Variants in SCARF1 observed in about 807,000 individuals in gnomAD.
SCARF1 encodes the protein scavenger receptor class F member 1, also known as acetyl LDL receptor.
SCARF1 carries 49 observed loss-of-function variants against 76.3 expected under a neutral mutation model. That is an observed-to-expected ratio of 0.64 (90% CI 0.51 to 0.81). SCARF1 has a LOEUF of 0.81. Among genes scored for constraint, SCARF1 ranks in the 40% least tolerant of loss-of-function variants. SCARF1 has a pLI of 0.00. For missense variants in SCARF1, 1,098 were observed against 1,143.9 expected, an observed-to-expected ratio of 0.96 and a Z score of 0.58; for synonymous variants, 495 against 474.6, an observed-to-expected ratio of 1.04 and a Z score of -0.56.
intron 7 of SCARF1, among the ~76,000 whole-genome samples, chr17:1,639,244 G>A (rs1482633198): frequency 1.3e-5 from 2 of 152,204 alleles, no homozygotes; most frequent in East Asian, 1.9e-4. Context: ...AGTGGCTCAC[G>A]TCTGTAATCC....
At position 1,640,405 on chromosome 17, in the gene SCARF1, T is replaced by C. The variant is rs1201083700; in HGVS notation, c.1010+43A>G. On this transcript the variant is annotated intron_variant, in intron 5 of 10. Coordinates refer to ENST00000263071, the MANE Select transcript of SCARF1 (RefSeq NM_003693.4). The surrounding 1 kb of genome is among the most constrained non-coding windows in gnomAD (Gnocchi z 4.7). ...GAGAGAGCCGCTGAGCTGAGGGTCCTGGGGGAAGGTGTACCCCACCCTGAA... is the reference window on the plus strand; with the variant it reads ...GAGAGAGCCGCTGAGCTGAGGGTCCCGGGGGAAGGTGTACCCCACCCTGAA... The C allele has an allele frequency of 6.6e-7, 1 of 1,506,336 alleles. No individual in the cohort carries two copies. The allele number at this position is 1,506,336 out of a possible 1,614,324, so 93.3% of individuals were successfully genotyped here. A position where few individuals can be genotyped will look rare whatever the true frequency, so the allele number is the denominator to read the frequency against.
intron 4 of SCARF1, among the ~76,000 whole-genome samples, chr17:1,642,232 G>A (rs1271553624): frequency 6.6e-6 from 1 of 151,244 alleles, no homozygotes; most frequent in Non-Finnish European, 1.5e-5. Context: ...TGTGCACATT[G>A]TGCAGGTTAG....
chr17:1,639,734 G>A lies in SCARF1; in HGVS notation c.1148C>T (p.Ala383Val). The A allele has an allele frequency of 6.2e-7, 1 of 1,602,138 alleles. No individual in the cohort carries two copies. The highest frequency in any genetic ancestry group is 2.2e-5 in the East Asian group (1 of 44,470). Residue 383 changes from alanine to valine, a missense_variant, in exon 7 of 11, where the codon GCC (alanine) becomes GTC (valine). Ala to Val is a moderately conservative substitution (Grantham distance 64, BLOSUM62 0). Transcript: ENST00000263071. ...SAGYWGPSCN[A>V]SCPAGFHGNN... is the part of the protein sequence containing the mutation. ...TCCATGGAAACCGGCTGGGCAGGAG[G>A]CGTTGCAGCTATGGAGTGACATGGA...
At position 1,640,156 on chromosome 17, in the gene SCARF1, A is replaced by G; in HGVS notation, c.1011-116T>C. The G allele has an allele frequency of 7.9e-7, 1 of 1,260,706 alleles. No individual in the cohort carries two copies. Among genetic ancestry groups the G allele is most frequent in the Non-Finnish European group, 1.1e-6 (1 of 915,156 alleles). The allele number at this position is 1,260,706 out of a possible 1,614,324, so 78.1% of individuals were successfully genotyped here. Reference sequence around the variant, plus strand: ...TCAAGGACCCAACTGGCCACTCCTCAGCAGTGAAGCTCAGGTGCAAATAGG... The same window carrying G: ...TCAAGGACCCAACTGGCCACTCCTCGGCAGTGAAGCTCAGGTGCAAATAGG... On this transcript the variant is annotated intron_variant, in intron 5 of 10. Transcript: ENST00000263071. This position sits in a 1 kb window ranked among gnomAD's most constrained non-coding sequence, Gnocchi z 4.7.
Position 1,644,823 on chromosome 17 carries a change from T to A in SCARF1, c.265+11A>T. The A allele has an allele frequency of 6.2e-7, 1 of 1,609,600 alleles. No individual in the cohort carries two copies. Reference sequence around the variant, plus strand: ...TCTGCCCAGCAACTTCATCTGGCCCTTGAGACTCACGGGAGCTGCAGTGGG... The same window carrying A: ...TCTGCCCAGCAACTTCATCTGGCCCATGAGACTCACGGGAGCTGCAGTGGG... On this transcript the variant is annotated intron_variant, in intron 3 of 10. Transcript: ENST00000263071. The surrounding 1 kb of genome is among the most constrained non-coding windows in gnomAD (Gnocchi z 4.8).
At chr17:1,639,021 T>TG (rs1266285025) in intron 7 of SCARF1, 95 bp from the exon 8 acceptor site, 3 of 1,316,240 alleles carry the variant, frequency 2.3e-6, no homozygotes. Context: ...AGCTTCTTCC[T>TG]GGGGGTCACT....
Position 1,636,769 on chromosome 17 carries a change from A to C in SCARF1, c.1573T>G (p.Ser525Ala), listed in dbSNP as rs1909597840. ...TCTGCCTCTCCAGACTCAGGATCGG[A>C]TGAGAAGGAGTCATCAGTGGCCCAG... ...AGWATDDSFS[S>A]DPESGEADEV... Residue 525 changes from serine to alanine, a missense_variant, in exon 10 of 11, where the codon TCC becomes GCC. Coordinates refer to ENST00000263071, the MANE Select transcript of SCARF1 (RefSeq NM_003693.4). 3 of 1,613,954 alleles carry C rather than the reference A, an allele frequency of 1.9e-6. No homozygotes were observed. In the African/African-American group the frequency reaches 4.0e-5, roughly 22 times the overall value.
chr17:1,640,170 G>C lies in SCARF1; in HGVS notation c.1011-130C>G. The C allele has an allele frequency of 5.4e-6, 6 of 1,106,824 alleles. No homozygotes were observed. The highest frequency in any genetic ancestry group is 3.0e-4 in the Middle Eastern group (1 of 3,312). The allele number at this position is 1,106,824 out of a possible 1,614,324, so 68.6% of individuals were successfully genotyped here. A position where few individuals can be genotyped will look rare whatever the true frequency, so the allele number is the denominator to read the frequency against. ...GGCCACTCCTCAGCAGTGAAGCTCAGGTGCAAATAGGGCCTTGAACTTGGG... is the reference window on the plus strand; with the variant it reads ...GGCCACTCCTCAGCAGTGAAGCTCACGTGCAAATAGGGCCTTGAACTTGGG... On this transcript the variant is annotated intron_variant, in intron 5 of 10. Transcript: ENST00000263071. This position sits in a 1 kb window ranked among gnomAD's most constrained non-coding sequence, Gnocchi z 4.7.
In SCARF1 at chr17:1,635,395, A is replaced by G. The variant is rs1407641653; in HGVS notation, c.1856T>C (p.Leu619Pro). ...LSSPLRKPKR[L>P]SRGAQSGPEG... The stretch of plus-strand genomic sequence containing the variant: ...AGGACCCGACTGCGCCCCCCGGGAG[A>G]GCCTCTTGGGCTTTCGGAGCGGGCT... Residue 619 changes from leucine (L) to proline (P), a missense_variant, in exon 11 of 11, where the codon CTC becomes CCC. By Grantham distance (98) the Leu-to-Pro change is moderately conservative. Transcript: ENST00000263071. The G allele has an allele frequency of 6.2e-7, 1 of 1,613,282 alleles. No individual in the cohort carries two copies. The highest frequency in any genetic ancestry group is 8.5e-7 in the Non-Finnish European group (1 of 1,179,556).
Position 1,645,073 on chromosome 17 carries a change from A to G in SCARF1, c.163+105T>C, listed in dbSNP as rs1910421542. 1 of 1,537,334 alleles carries G rather than the reference A, an allele frequency of 6.5e-7. No homozygotes were observed. The highest frequency in any genetic ancestry group is 8.9e-7 in the Non-Finnish European group (1 of 1,120,754). ...GGGGTGCGTCACAGGAGAAACCCTG[A>G]CTCCTGGTATCAGGAGGGGCAGGCC... On this transcript the variant is annotated intron_variant, in intron 2 of 10. Transcript: ENST00000263071. This position sits in a 1 kb window ranked among gnomAD's most constrained non-coding sequence, Gnocchi z 6.3.
At position 1,643,942 on chromosome 17, in the gene SCARF1, G is replaced by A; in HGVS notation, c.291C>T (p.Pro97=). The change falls in exon 4 of 11, where the codon CCC becomes CCT. Residue 97 remains proline (P), a synonymous_variant. Coordinates refer to ENST00000263071, the MANE Select transcript of SCARF1 (RefSeq NM_003693.4). Reference sequence around the variant, plus strand: ...GGCAGGGGCAGCTCTCACGGCAGTCGGGGCCCCAGTACTGGCCCGGGCAGC... The same window carrying A: ...GGCAGGGGCAGCTCTCACGGCAGTCAGGGCCCCAGTACTGGCCCGGGCAGC... ...SSRCPGQYWG[P]DCRESCPCHP... 7.4e-7 allele frequency: 1 copy of A among 1,351,030 alleles called. No homozygotes were observed. Among genetic ancestry groups the A allele is most frequent in the South Asian group, 1.8e-5 (1 of 55,002 alleles). The allele number at this position is 1,351,030 out of a possible 1,614,324, so 83.7% of individuals were successfully genotyped here. A position where few individuals can be genotyped will look rare whatever the true frequency, so the allele number is the denominator to read the frequency against.
At position 1,635,534 on chromosome 17, in the gene SCARF1, G is replaced by T. The variant is rs773240408; in HGVS notation, c.1717C>A (p.Pro573Thr). The T allele has an allele frequency of 6.2e-7, 1 of 1,613,370 alleles. No homozygotes were observed. The highest frequency in any genetic ancestry group is 2.2e-5 in the East Asian group (1 of 44,874). The change falls in exon 11 of 11, where the codon CCA (proline) becomes ACA (threonine). Residue 573 changes from proline to threonine, a missense_variant. Pro to Thr is a conservative substitution (Grantham distance 38). Transcript: ENST00000263071. Reference sequence around the variant, plus strand: ...CTGGAGGTGCGCGGGATGGCGAATGGCGTGGAGGCGTCCTCAGGGGGCGGG... The same window carrying T: ...CTGGAGGTGCGCGGGATGGCGAATGTCGTGGAGGCGTCCTCAGGGGGCGGG... ...AFPPPEDAST[P>T]FAIPRTSSLA...
Position 1,634,897 on chromosome 17 carries a change from T to A in SCARF1, c.2354A>T (p.Glu785Val). ...TGGCTCCTGGGCTCTCCTTGAACTC[T>A]CGGTGCCAGCCCCCAGCCCCCGGAC... ...EAVRGLGAGT[E>V]SSRRAQEPVS... Residue 785 changes from glutamate to valine, a missense_variant, in exon 11 of 11, where the codon GAG becomes GTG. Transcript: ENST00000263071. The A allele has an allele frequency of 5.0e-6, 8 of 1,613,730 alleles. No individual in the cohort carries two copies. The highest frequency in any genetic ancestry group is 6.8e-6 in the Non-Finnish European group (8 of 1,179,970).
intron 4 of SCARF1, among the ~76,000 whole-genome samples, chr17:1,642,609 C>G (rs1056002986): frequency 1.3e-5 from 2 of 152,122 alleles, no homozygotes; most frequent in African/African-American, 4.8e-5. Context: ...CACTTATTAC[C>G]TACATATGGC....
intron 4 of SCARF1, among the ~76,000 whole-genome samples, chr17:1,641,680 C>T (rs368758967): frequency 7.2e-5 from 11 of 152,224 alleles, no homozygotes; most frequent in East Asian, 5.8e-4. Flanking sequence ...TTATAAAAGC[C>T]ATTTAGCTGA....
Position 1,640,060 on chromosome 17 carries a change from G to A in SCARF1, c.1011-20C>T, listed in dbSNP as rs779411962. 26 of 1,611,294 alleles carry A rather than the reference G, an allele frequency of 1.6e-5. No individual in the cohort carries two copies. Among genetic ancestry groups the A allele is most frequent in the Admixed American group, 3.3e-5 (2 of 59,882 alleles). ...TCACACCTGGGGTGAGGCAAGACTC[G>A]GGGAAGGGGAGACCAAGGCAGGCCT... is the stretch of plus-strand genomic sequence containing the variant. On this transcript the variant is annotated intron_variant, in intron 5 of 10. Coordinates refer to ENST00000263071, the MANE Select transcript of SCARF1 (RefSeq NM_003693.4). The surrounding 1 kb of genome is among the most constrained non-coding windows in gnomAD (Gnocchi z 4.7).
At position 1,643,912 on chromosome 17, in the gene SCARF1, C is replaced by A; in HGVS notation, c.321G>T (p.Pro107=). The A allele has an allele frequency of 1.5e-6, 2 of 1,341,426 alleles. No individual in the cohort carries two copies. The highest frequency in any genetic ancestry group is 3.8e-5 in the South Asian group (2 of 53,124). The allele number at this position is 1,341,426 out of a possible 1,614,324, so 83.1% of individuals were successfully genotyped here. A position where few individuals can be genotyped will look rare whatever the true frequency, so the allele number is the denominator to read the frequency against. Residue 107 remains proline, a synonymous_variant, in exon 4 of 11, where the codon CCG becomes CCT. Coordinates refer to ENST00000263071, the MANE Select transcript of SCARF1 (RefSeq NM_003693.4). ...CCGTGGCTGGCTCGCACTGGCCGTG[C>A]GGGTGGCAGGGGCAGCTCTCACGGC... ...PDCRESCPCH[P]HGQCEPATGA...
rs1909929687 is a variant in SCARF1 at position 1,640,285 on chromosome 17, GC to G, written c.1010+162del. 29 of 793,342 alleles carry G rather than the reference GC, an allele frequency of 3.7e-5. No individual in the cohort carries two copies. The highest frequency in any genetic ancestry group is 4.5e-5 in the Non-Finnish European group (23 of 507,938). 49.1% of individuals were successfully genotyped at this position (793,342 alleles called of 1,614,324 possible). A position where few individuals can be genotyped will look rare whatever the true frequency, so the allele number is the denominator to read the frequency against. The stretch of plus-strand genomic sequence containing the variant: ...GGGAGGGAGCTGGGATCCTGCCCAG[GC>G]CCCCCCAGAACCCACTGCTCTCCCC... On this transcript the variant is annotated intron_variant, in intron 5 of 10. Transcript: ENST00000263071. The surrounding 1 kb of genome is among the most constrained non-coding windows in gnomAD (Gnocchi z 4.7).
rs777136009 is a variant in SCARF1, at chr17:1,635,137, A to G, written c.2114T>C (p.Val705Ala). Residue 705 changes from valine (V) to alanine (A), a missense_variant, in exon 11 of 11, where the codon GTC (valine) becomes GCC (alanine). Transcript: ENST00000263071. ...AGKPRGSEGP[V>A]RSVFRHFGSF... is the part of the protein sequence containing the mutation. ...ACCAAAATGGCGGAAGACAGAGCGG[A>G]CAGGGCCTTCGGATCCGCGGGGCTT... 1 of 1,613,596 alleles carries G rather than the reference A, an allele frequency of 6.2e-7. No homozygotes were observed. The highest frequency in any genetic ancestry group is 8.5e-7 in the Non-Finnish European group (1 of 1,180,016).
Sources: allele counts gnomAD v4.1 joint callset (sites outside exome capture counted in the v4.1 genomes callset), GRCh38; gene constraint gnomAD v4.1.1; non-coding constraint Gnocchi (gnomAD v3.1); transcripts MANE v1.5; gene names NCBI Gene and HGNC (gene_info 2026-07-23, HGNC 2026-07-21).